THSD7A: variants seen among roughly 807,000 people sequenced by gnomAD.
The protein encoded by THSD7A is thrombospondin type-1 domain-containing protein 7A.
THSD7A carries 96 observed loss-of-function variants against 231.3 expected under a neutral mutation model. That is an observed-to-expected ratio of 0.41 (90% CI 0.35 to 0.49). The LOEUF (loss-of-function observed/expected upper bound fraction) is 0.49, where lower values mean the gene tolerates loss of function less well. THSD7A is among the 20% of genes least tolerant of loss of function. THSD7A has a pLI of 0.05. For missense variants in THSD7A, 2,290 were observed against 2,070.2 expected (o/e 1.11, Z -2.06); for synonymous variants, 940 against 743.3 (o/e 1.26, Z -4.30).
intron 1 of THSD7A, among the ~76,000 whole-genome samples, chr7:11,725,766 G>A (rs893219232): frequency 6.6e-6 from 1 of 152,054 alleles, no homozygotes; most frequent in East Asian, 2.0e-4. Context: ...AAATGTGGGT[G>A]CAGATCTCTA....
chr7:11,731,435 A>T (rs1781727946), intron 1 of THSD7A, among the ~76,000 whole-genome samples: 1 of 151,668 alleles, frequency 6.6e-6, no homozygotes, highest in Admixed American at 6.6e-5. Flanking sequence ...ATGCTTATTT[A>T]TAAGTCATAA....
chr7:11,733,351 T>C (rs759435257), intron 1 of THSD7A, among the ~76,000 whole-genome samples: 11 of 151,924 alleles, frequency 7.2e-5, no homozygotes. Flanking sequence ...CAATACATCA[T>C]TATGTTGATG....
At chr7:11,389,723 C>A (rs550816286) in intron 23 of THSD7A, among the ~76,000 whole-genome samples, 1 of 151,210 alleles carries the variant, frequency 6.6e-6, no homozygotes, top group East Asian at 2.0e-4. Context: ...GTGTTGATGG[C>A]CTTTACAATT....
chr7:11,430,130 C>T (rs942720181), intron 13 of THSD7A, among the ~76,000 whole-genome samples: 1 of 152,162 alleles, frequency 6.6e-6, no homozygotes, highest in African/African-American at 2.4e-5. Context: ...TTTATCTCAA[C>T]AGCAGAGATT....
At chr7:11,450,779 C>T (rs1170218415) in intron 11 of THSD7A, among the ~76,000 whole-genome samples, 1 of 151,978 alleles carries the variant, frequency 6.6e-6, no homozygotes, top group Non-Finnish European at 1.5e-5. Context: ...ATGTATATGT[C>T]ATATCTAATG....
chr7:11,440,297 G>A (rs1562610740), intron 13 of THSD7A, among the ~76,000 whole-genome samples: 1 of 152,048 alleles, frequency 6.6e-6, no homozygotes, highest in Non-Finnish European at 1.5e-5. Flanking sequence ...AGCTCTGATG[G>A]AGATGTACAA....
intron 6 of THSD7A, among the ~76,000 whole-genome samples, chr7:11,532,610 T>C (rs1788754253): frequency 6.6e-6 from 1 of 152,206 alleles, no homozygotes; most frequent in Non-Finnish European, 1.5e-5. Context: ...ATTAGTTCCA[T>C]AATGTACATA....
chr7:11,686,273 C>A (rs780338247), intron 1 of THSD7A, among the ~76,000 whole-genome samples: 2 of 151,610 alleles, frequency 1.3e-5, no homozygotes, highest in African/African-American at 2.4e-5. Flanking sequence ...CAATAGAATC[C>A]CAAACCTCCT....
At chr7:11,737,976 C>G (rs545504599) in intron 1 of THSD7A, among the ~76,000 whole-genome samples, 1 of 152,076 alleles carries the variant, frequency 6.6e-6, no homozygotes, top group East Asian at 1.9e-4. Flanking sequence ...GCATGACTCT[C>G]TCATTATTCT....
chr7:11,752,918 G>T (rs1361709193), intron 1 of THSD7A, among the ~76,000 whole-genome samples: 1 of 121,066 alleles, frequency 8.3e-6, no homozygotes, highest in Non-Finnish European at 1.7e-5. Context: ...AAGAGTGAGA[G>T]ACCCTGTCTC....
chr7:11,654,997 C>T (rs142522489), intron 1 of THSD7A, among the ~76,000 whole-genome samples: 6 of 151,824 alleles, frequency 4.0e-5, no homozygotes, highest in East Asian at 3.9e-4. Flanking sequence ...AATAGTGCAA[C>T]GTTTTATAGC....
chr7:11,416,002 G>A (rs151004131), intron 17 of THSD7A, among the ~76,000 whole-genome samples: 1,709 of 152,228 alleles, frequency 0.011, 25 homozygotes, highest in African/African-American at 0.039. Flanking sequence ...GAGGCTGCCC[G>A]ATTCTTGAAT....
intron 19 of THSD7A, among the ~76,000 whole-genome samples, chr7:11,407,943 AAG>A (rs1373868460): frequency 6.6e-6 from 1 of 152,226 alleles, no homozygotes; most frequent in African/African-American, 2.4e-5. Flanking sequence ...CTTTTAAAAA[AAG>A]AAATATGGGT....
In THSD7A at chr7:11,831,900, G is replaced by A. The variant is rs1318592033; in HGVS notation, c.47C>T (p.Ala16Val). 4.8e-6 allele frequency: 6 copies of A among 1,237,922 alleles called. No homozygotes were observed. In the Admixed American group the frequency reaches 1.3e-4, roughly 27 times the overall value. 76.7% of individuals were successfully genotyped at this position (1,237,922 alleles called of 1,614,324 possible). ...RRWASGSRGA[A>V]GPRRGVLQLL... ...CTGCAGGACGCCCCGGCGCGGCCCC[G>A]CAGCGCCCCGGCTCCCGGACGCCCA... The change falls in exon 1 of 28, where the codon GCG becomes GTG. Residue 16 changes from alanine to valine, a missense_variant. Coordinates refer to ENST00000423059, the MANE Select transcript of THSD7A (RefSeq NM_015204.3). The surrounding 1 kb of genome is among the most constrained non-coding windows in gnomAD (Gnocchi z 5.0).
chr7:11,815,428 C>T (rs996872028), intron 1 of THSD7A, among the ~76,000 whole-genome samples: 1 of 152,026 alleles, frequency 6.6e-6, no homozygotes, highest in Non-Finnish European at 1.5e-5. Flanking sequence ...TTTCACGGAA[C>T]TCATCAGGGA....
chr7:11,422,423 G>C (rs947218813), intron 16 of THSD7A, among the ~76,000 whole-genome samples: 1 of 152,058 alleles, frequency 6.6e-6, no homozygotes, highest in African/African-American at 2.4e-5. Context: ...TTTAAGGGAA[G>C]TGTACTACTC....
chr7:11,686,204 G>C (rs1017480246), intron 1 of THSD7A, among the ~76,000 whole-genome samples: 9 of 151,726 alleles, frequency 5.9e-5, no homozygotes, highest in African/African-American at 2.2e-4. Flanking sequence ...GAAAGAGTAA[G>C]GGTTAAGGGC....
At chr7:11,809,384 ATCT>A (rs1005619726) in intron 1 of THSD7A, among the ~76,000 whole-genome samples, 9 of 152,168 alleles carry the variant, frequency 5.9e-5, no homozygotes, top group African/African-American at 2.2e-4. Context: ...GGATTCTGTA[ATCT>A]TCTACTATTA....
chr7:11,378,994 G>C, intron 26 of THSD7A, 76 bp downstream of exon 26: 4 of 1,386,958 alleles, frequency 2.9e-6, no homozygotes, highest in Non-Finnish European at 4.0e-6. Flanking sequence ...AAAATGCTTT[G>C]CTCACTTTTT....
Sources: allele counts gnomAD v4.1 joint callset (sites outside exome capture counted in the v4.1 genomes callset), GRCh38; gene constraint gnomAD v4.1.1; non-coding constraint Gnocchi (gnomAD v3.1); transcripts MANE v1.5; gene names NCBI Gene and HGNC (gene_info 2026-07-23, HGNC 2026-07-21).